Variants in STXBP5L observed in about 807,000 individuals in gnomAD.
The protein encoded by STXBP5L is syntaxin binding protein 5L.
Under a neutral mutation model 144.5 loss-of-function variants are expected in STXBP5L, and 65 were observed. The ratio of observed to expected loss-of-function variants is 0.45; its 90% CI spans 0.37 to 0.55. The LOEUF is 0.55. Among genes scored for constraint, STXBP5L ranks in the 20% least tolerant of loss-of-function variants. The pLI is 0.00. For missense variants in STXBP5L, 1,298 were observed against 1,405.5 expected, an observed-to-expected ratio of 0.92 and a Z score of 1.22; for synonymous variants, 505 against 469.6, an observed-to-expected ratio of 1.08 and a Z score of -0.97.
At chr3:121,364,417 A>C (rs558899248) in intron 20 of STXBP5L, among the ~76,000 whole-genome samples, 1 of 151,778 alleles carries the variant, frequency 6.6e-6, no homozygotes, top group African/African-American at 2.4e-5. Context: ...TTTCAAAATT[A>C]TTTTGGCTAT....
chr3:121,205,194 A>G (rs2048291503), intron 9 of STXBP5L, among the ~76,000 whole-genome samples: 1 of 152,186 alleles, frequency 6.6e-6, no homozygotes, highest in African/African-American at 2.4e-5. Flanking sequence ...AATACTACAC[A>G]CTACGCAATG....
chr3:121,179,766 G>C (rs1577129868), intron 9 of STXBP5L, among the ~76,000 whole-genome samples: 1 of 152,194 alleles, frequency 6.6e-6, no homozygotes, highest in East Asian at 1.9e-4. Context: ...GGAAATGAAA[G>C]ACACACTTAG....
chr3:121,389,921 G>A (rs1553785188), intron 22 of STXBP5L, among the ~76,000 whole-genome samples: 1 of 152,166 alleles, frequency 6.6e-6, no homozygotes, highest in Non-Finnish European at 1.5e-5. Context: ...GCAGAGCTGA[G>A]TTCAAGTCCT....
At chr3:121,048,928 G>T (rs1947726066) in intron 5 of STXBP5L, among the ~76,000 whole-genome samples, 2 of 152,142 alleles carry the variant, frequency 1.3e-5, no homozygotes, top group African/African-American at 4.8e-5. Context: ...TGTTGTGCTA[G>T]AGGTTTGTAT....
intron 9 of STXBP5L, among the ~76,000 whole-genome samples, chr3:121,179,557 G>A (rs553731525): frequency 3.9e-5 from 6 of 152,214 alleles, no homozygotes; most frequent in Admixed American, 6.5e-5. Flanking sequence ...GATCACACTA[G>A]CTCTCCAGCA....
chr3:121,130,729 T>A (rs969361982), intron 7 of STXBP5L, among the ~76,000 whole-genome samples: 5 of 152,118 alleles, frequency 3.3e-5, no homozygotes, highest in African/African-American at 1.2e-4. Context: ...TTCATATGAA[T>A]AATGACACGA....
chr3:121,044,168 G>A (rs1165282395), intron 4 of STXBP5L, among the ~76,000 whole-genome samples: 1 of 152,036 alleles, frequency 6.6e-6, no homozygotes, highest in African/African-American at 2.4e-5. Context: ...CTTTGAACAT[G>A]TATGTATGTA....
intron 3 of STXBP5L, among the ~76,000 whole-genome samples, chr3:120,983,685 G>A (rs752113415): frequency 2.0e-5 from 3 of 152,088 alleles, no homozygotes; most frequent in Admixed American, 6.5e-5. Flanking sequence ...TCTATTATAG[G>A]AGTGTGGAGC....
At chr3:120,981,081 C>A (rs949719516) in intron 3 of STXBP5L, among the ~76,000 whole-genome samples, 3 of 152,052 alleles carry the variant, frequency 2.0e-5, no homozygotes, top group Admixed American at 1.3e-4. Flanking sequence ...CACTGTCAGT[C>A]TGATGGTATT....
intron 19 of STXBP5L, among the ~76,000 whole-genome samples, chr3:121,311,557 CAG>C (rs972325312): frequency 2.0e-5 from 3 of 152,046 alleles, no homozygotes; most frequent in African/African-American, 7.2e-5. Context: ...AACAGACAAA[CAG>C]AGAGCCAAAT....
chr3:121,407,506 A>T lies in STXBP5L; in HGVS notation c.2851A>T (p.Thr951Ser). Residue 951 changes from threonine (T) to serine (S), a missense_variant, in exon 23 of 27, where the codon ACG becomes TCG. By Grantham distance (58) the Thr-to-Ser change is moderately conservative. Coordinates refer to ENST00000471454, the MANE Select transcript of STXBP5L (RefSeq NM_001308330.2). ...SQTCLYVHNI[T>S]ETSFILQANV... ...GACTTGCCTTTATGTTCATAACATC[A>T]CGGAGACATCTTTTATACTGCAAGC... 2.5e-6 allele frequency: 4 copies of T among 1,613,388 alleles called. No homozygotes were observed. The highest frequency in any genetic ancestry group is 3.4e-6 in the Non-Finnish European group (4 of 1,179,506).
chr3:121,287,814 G>A (rs1206110621), intron 19 of STXBP5L, among the ~76,000 whole-genome samples: 1 of 151,194 alleles, frequency 6.6e-6, no homozygotes, highest in Non-Finnish European at 1.5e-5. Context: ...GAGTGACAGA[G>A]CGAGACTCCA....
At chr3:121,034,569 CATCCATCT>C (rs996960596) in intron 3 of STXBP5L, among the ~76,000 whole-genome samples, 17 of 152,052 alleles carry the variant, frequency 1.1e-4, no homozygotes, top group Admixed American at 3.9e-4. Flanking sequence ...TCCATCCATC[CATCCATCT>C]ATCTATGTAT....
intron 6 of STXBP5L, among the ~76,000 whole-genome samples, chr3:121,117,526 C>T (rs1386202684): frequency 6.6e-6 from 1 of 151,646 alleles, no homozygotes; most frequent in East Asian, 1.9e-4. Flanking sequence ...TATGTAACTT[C>T]CTGTTAATAT....
At chr3:120,917,894 A>G (rs1281485080) in intron 2 of STXBP5L, among the ~76,000 whole-genome samples, 1 of 152,194 alleles carries the variant, frequency 6.6e-6, no homozygotes, top group African/African-American at 2.4e-5. Flanking sequence ...TTCAATTACC[A>G]AAAACTTATT....
chr3:121,109,298 G>A (rs1460856892), intron 5 of STXBP5L, among the ~76,000 whole-genome samples: 2 of 151,908 alleles, frequency 1.3e-5, no homozygotes, highest in African/African-American at 4.8e-5. Flanking sequence ...GTTTGCTCTT[G>A]GTTCTCTAGT....
chr3:121,067,193 G>C (rs550624718), intron 5 of STXBP5L, among the ~76,000 whole-genome samples: 84 of 151,594 alleles, frequency 5.5e-4, no homozygotes, highest in Middle Eastern at 3.4e-3. Context: ...ATTGGGTTTG[G>C]TTTACTGTCT....
chr3:121,037,275 C>T (rs531547501), intron 3 of STXBP5L, among the ~76,000 whole-genome samples: 90 of 149,172 alleles, frequency 6.0e-4, no homozygotes, highest in Middle Eastern at 6.9e-3. Flanking sequence ...TTTTGAAAGG[C>T]TCTACTCTGT....
chr3:120,989,212 T>C (rs941467989), intron 3 of STXBP5L, among the ~76,000 whole-genome samples: 1 of 152,154 alleles, frequency 6.6e-6, no homozygotes, highest in African/African-American at 2.4e-5. Context: ...AACTGTTTTA[T>C]GTTTTCCATA....
Sources: allele counts gnomAD v4.1 joint callset (sites outside exome capture counted in the v4.1 genomes callset), GRCh38; gene constraint gnomAD v4.1.1; transcripts MANE v1.5; gene names NCBI Gene and HGNC (gene_info 2026-07-23, HGNC 2026-07-21).